The following ZNF385D variants were observed in gnomAD, a reference collection of about 807,000 sequenced individuals.
The protein encoded by ZNF385D is zinc finger protein 659.
ZNF385D carries 15 observed loss-of-function variants against 35.8 expected under a neutral mutation model. That is an observed-to-expected ratio of 0.42 (90% confidence interval 0.28 to 0.64). ZNF385D has a LOEUF of 0.64. Among genes scored for constraint, ZNF385D ranks in the 30% least tolerant of loss-of-function variants. ZNF385D has a pLI of 0.23. For synonymous variants in ZNF385D, 212 were observed against 186.8 expected, an observed-to-expected ratio of 1.13 and a Z score of -1.10; for missense variants, 474 against 494.6, an observed-to-expected ratio of 0.96 and a Z score of 0.39.
In ZNF385D at chr3:21,668,440, C is replaced by T. The variant is rs116665548; in HGVS notation, c.23-3412G>A. Among the ~76,000 whole-genome samples the T allele has an allele frequency of 4.2e-3, 645 of 152,282 alleles. 6 individuals are homozygous for T. Among genetic ancestry groups the T allele is most frequent in the African/African-American group, 0.014 (601 of 41,556 alleles). ...CCTCTTCCCAATCCTATATCCCTCA[C>T]GTCTCACAAATGATGTTTCCATGAG... On this transcript the variant is annotated intron_variant, in intron 1 of 7. Coordinates refer to ENST00000281523, the MANE Select transcript of ZNF385D (RefSeq NM_024697.3).
At chr3:22,152,645 C>T (rs1484606492) in intron 3 of ZNF385D, among the ~76,000 whole-genome samples, 1 of 152,110 alleles carries the variant, frequency 6.6e-6, no homozygotes, top group East Asian at 1.9e-4. Context: ...TCTCTCTGAC[C>T]TTCCTATCTT....
rs977783746 is a variant in ZNF385D at position 21,414,667 on chromosome 3, C to A, written c.*6547G>T. On this transcript the variant is annotated 3_prime_UTR_variant, in exon 8 of 8. Coordinates refer to ENST00000281523, the MANE Select transcript of ZNF385D (RefSeq NM_024697.3). ...ATCATCAAAATGTCAAGTGAATTGG[C>A]CCAGTTTCCTCGTAGATGATTGGTA... is the stretch of plus-strand genomic sequence containing the variant. 1.3e-5 allele frequency: 2 copies of A among 152,018 alleles called. No homozygotes were observed. Among genetic ancestry groups the A allele is most frequent in the African/African-American group, 2.4e-5 (1 of 41,402 alleles). 9.4% of individuals were successfully genotyped at this position (152,018 alleles called of 1,614,324 possible).
intron 2 of ZNF385D, among the ~76,000 whole-genome samples, chr3:22,242,595 C>G (rs952475098): frequency 1.3e-5 from 2 of 150,586 alleles, no homozygotes; most frequent in African/African-American, 4.9e-5. Flanking sequence ...AAGGTTATAA[C>G]GAAGGAAATA....
At chr3:22,317,025 C>T (rs1703925380) in intron 2 of ZNF385D, among the ~76,000 whole-genome samples, 1 of 151,984 alleles carries the variant, frequency 6.6e-6, no homozygotes. Flanking sequence ...CCCCTGAAAT[C>T]CGAACACTTT....
chr3:21,779,207 G>A (rs2071401909), intron 3 of ZNF385D, among the ~76,000 whole-genome samples: 1 of 151,760 alleles, frequency 6.6e-6, no homozygotes, highest in Non-Finnish European at 1.5e-5. Flanking sequence ...AAGACCACTG[G>A]GCATTTCAGG....
chr3:21,477,726 GCTT>G (rs2125365982), intron 4 of ZNF385D, among the ~76,000 whole-genome samples: 1 of 152,070 alleles, frequency 6.6e-6, no homozygotes, highest in East Asian at 1.9e-4. Flanking sequence ...TTTGTTCATG[GCTT>G]CTTCTAGCAG....
intron 3 of ZNF385D, among the ~76,000 whole-genome samples, chr3:21,528,295 G>C (rs757557136): frequency 6.6e-6 from 1 of 152,086 alleles, no homozygotes; most frequent in Non-Finnish European, 1.5e-5. Context: ...TAGCTAGTTC[G>C]TGGGGTGCAA....
At chr3:21,930,290 A>AAT (rs1435147407) in intron 3 of ZNF385D, among the ~76,000 whole-genome samples, 1 of 150,902 alleles carries the variant, frequency 6.6e-6, no homozygotes, top group Non-Finnish European at 1.5e-5. Context: ...AAAAAAAAAA[A>AAT]CTAGAAACGG....
intron 1 of ZNF385D, among the ~76,000 whole-genome samples, chr3:21,687,861 T>C (rs1369584167): frequency 6.6e-6 from 1 of 152,168 alleles, no homozygotes; most frequent in Non-Finnish European, 1.5e-5. Flanking sequence ...AATAAAGCCA[T>C]ATGGTTATTG....
chr3:22,103,185 C>T (rs768677646), intron 3 of ZNF385D, among the ~76,000 whole-genome samples: 28 of 148,134 alleles, frequency 1.9e-4, no homozygotes, highest in Non-Finnish European at 3.7e-4. Context: ...CTGATCACTG[C>T]GAAAGGACTC....
chr3:22,298,355 A>AC (rs145619531), intron 2 of ZNF385D, among the ~76,000 whole-genome samples: 29,781 of 146,454 alleles, frequency 0.2, 3,313 homozygotes, highest in South Asian at 0.32. Flanking sequence ...AAGGAGGAGA[A>AC]GAGGAGAAAG....
intron 4 of ZNF385D, among the ~76,000 whole-genome samples, chr3:21,441,939 G>A (rs1246775852): frequency 6.6e-6 from 1 of 152,096 alleles, no homozygotes; most frequent in African/African-American, 2.4e-5. Flanking sequence ...CCATTTTTCT[G>A]CCAGCGCCCT....
At chr3:21,731,671 C>G (rs1458216408) in intron 1 of ZNF385D, among the ~76,000 whole-genome samples, 1 of 152,146 alleles carries the variant, frequency 6.6e-6, no homozygotes, top group East Asian at 1.9e-4. Context: ...AATCCCTTGT[C>G]CTATAACCCC....
intron 2 of ZNF385D, among the ~76,000 whole-genome samples, chr3:21,651,986 C>T (rs1437727036): frequency 2.0e-5 from 3 of 152,054 alleles, no homozygotes; most frequent in Admixed American, 2.0e-4. Context: ...AACTTGATGC[C>T]AGTTAGAACA....
At chr3:22,163,629 A>G (rs1034190005) in intron 3 of ZNF385D, among the ~76,000 whole-genome samples, 1 of 152,206 alleles carries the variant, frequency 6.6e-6, no homozygotes, top group African/African-American at 2.4e-5. Context: ...CTGTTAGGCA[A>G]TCCTTAAATG....
At chr3:21,774,451 C>T (rs1371716285) in intron 3 of ZNF385D, among the ~76,000 whole-genome samples, 1 of 151,634 alleles carries the variant, frequency 6.6e-6, no homozygotes, top group African/African-American at 2.4e-5. Flanking sequence ...GAATCAAAAA[C>T]AAAACAAAAC....
chr3:21,922,427 G>T (rs372111673), intron 3 of ZNF385D, among the ~76,000 whole-genome samples: 1 of 152,108 alleles, frequency 6.6e-6, no homozygotes, highest in African/African-American at 2.4e-5. Context: ...CATGGTACTG[G>T]TACAAAAGCA....
At chr3:22,179,836 A>T (rs950957088) in intron 2 of ZNF385D, among the ~76,000 whole-genome samples, 43 of 152,240 alleles carry the variant, frequency 2.8e-4, no homozygotes, top group African/African-American at 9.6e-4. Context: ...AGAAAGCAGG[A>T]AAGATCCAAA....
intron 1 of ZNF385D, among the ~76,000 whole-genome samples, chr3:21,700,860 C>T (rs2067656776): frequency 6.6e-6 from 1 of 152,142 alleles, no homozygotes; most frequent in African/African-American, 2.4e-5. Flanking sequence ...TTACAATTTC[C>T]TGTAATGCTT....
Sources: gnomAD v4.1 joint callset for allele counts (sites outside exome capture counted in the v4.1 genomes callset) on GRCh38, gnomAD v4.1.1 for gene constraint, MANE v1.5 for transcripts, NCBI Gene and HGNC (gene_info 2026-07-23, HGNC 2026-07-21) for gene names.